The following KPNA7 variants were observed in gnomAD, a reference collection of about 807,000 sequenced individuals.
The protein encoded by KPNA7 is karyopherin subunit alpha 7.
In KPNA7, 54 loss-of-function variants were observed where a neutral mutation model predicts 53.7. That is an observed-to-expected ratio of 1.01 (90% CI 0.81 to 1.26). The LOEUF (loss-of-function observed/expected upper bound fraction) is 1.26. Ranked by LOEUF, KPNA7 falls within the 50% of genes most tolerant of loss-of-function variation. KPNA7 has a pLI of 0.00. For synonymous variants in KPNA7, 276 were observed against 259.3 expected (o/e 1.06, Z -0.62); for missense variants, 640 against 644.5 (o/e 0.99, Z 0.07).
At position 99,180,046 on chromosome 7, in the gene KPNA7, C is replaced by T. The variant is rs372827606; in HGVS notation, c.1317+1837G>A. Among the ~76,000 whole-genome samples the T allele has an allele frequency of 5.2e-4, 79 of 152,278 alleles. 1 individual carries two copies. In the South Asian group the frequency reaches 0.016, roughly 30 times the overall value. ...TGTTGTGGAAGTGACAGAATGTGAC[C>T]TCCAAGGTCACGTCATGAAGGACAC... On this transcript the variant is annotated intron_variant, in intron 9 of 10. Coordinates refer to ENST00000327442, the MANE Select transcript of KPNA7 (RefSeq NM_001145715.3).
chr7:99,146,499 C>T, the KPNA7 span, among the ~76,000 whole-genome samples: 10 of 151,878 alleles, frequency 6.6e-5, no homozygotes, highest in South Asian at 1.2e-3. Context: ...GGATTACCTG[C>T]GAGCAGGAGT....
chr7:99,200,175 T>TTTA (rs1222683564), intron 3 of KPNA7, among the ~76,000 whole-genome samples: 1 of 152,184 alleles, frequency 6.6e-6, no homozygotes, highest in Non-Finnish European at 1.5e-5. Flanking sequence ...TATGCTGGGA[T>TTTA]TATAGGCATG....
At chr7:99,188,174 CAA>C (rs59219718) in intron 7 of KPNA7, 124 bp downstream of exon 7, 7,142 of 385,032 alleles carry the variant, frequency 0.019, 1 homozygote, top group African/African-American at 0.064. Flanking sequence ...GACTCTGTCT[CAA>C]AAAAAAAAAA....
At chr7:99,196,359 T>C (rs1003159916) in intron 3 of KPNA7, among the ~76,000 whole-genome samples, 193 bp from the exon 4 acceptor site, 14 of 152,212 alleles carry the variant, frequency 9.2e-5, no homozygotes, top group Non-Finnish European at 1.9e-4. Flanking sequence ...CTTCCCATGC[T>C]TAGGGGAGAA....
chr7:99,180,742 C>CATCT lies in KPNA7; in HGVS notation c.1317+1140_1317+1141insAGAT, dbSNP rs757432007. ...CTCCGTCTGTGTCTCTCTCTCTCCC[C>CATCT]GTGTCTCTCTCTCTCTCCCCGTCTG... is the stretch of plus-strand genomic sequence containing the variant. On this transcript the variant is annotated intron_variant, in intron 9 of 10. Transcript: ENST00000327442. Among the ~76,000 whole-genome samples the CATCT allele has an allele frequency of 1.3e-4, 4 of 29,642 alleles. 1 individual carries two copies. Among genetic ancestry groups the CATCT allele is most frequent in the African/African-American group, 6.6e-4 (4 of 6,066 alleles). The allele number at this position is 29,642 out of a possible 152,430, so 19.4% of individuals were successfully genotyped here. A position where few individuals can be genotyped will look rare whatever the true frequency, so the allele number is the denominator to read the frequency against.
the KPNA7 span, among the ~76,000 whole-genome samples, chr7:99,160,102 G>C: frequency 1.5e-5 from 2 of 133,060 alleles, no homozygotes; most frequent in African/African-American, 5.8e-5. Context: ...CTGGCTCACT[G>C]CAAGCTCCGC....
intron 1 of KPNA7, among the ~76,000 whole-genome samples, chr7:99,216,119 C>T (rs1791213967): frequency 6.6e-6 from 1 of 152,132 alleles, no homozygotes; most frequent in Admixed American, 6.6e-5. Context: ...CCTCGACTTT[C>T]TGGGCTCAGA....
downstream of KPNA7, among the ~76,000 whole-genome samples, chr7:99,169,690 CAAAT>C (rs947942273): frequency 1.3e-5 from 2 of 151,952 alleles, no homozygotes; most frequent in African/African-American, 2.4e-5. Flanking sequence ...ATAAGTCTCA[CAAAT>C]GAATGGTTGA....
Position 99,173,747 on chromosome 7 carries a change from A to G in KPNA7, c.1512T>C (p.Asp504=). The change falls in exon 11 of 11, where the codon GAT becomes GAC. Residue 504 remains aspartate (D), a synonymous_variant. Coordinates refer to ENST00000327442, the MANE Select transcript of KPNA7 (RefSeq NM_001145715.3). ...AGCATTCATAATCTATAAATTCATA[A>G]TCTTGGTCTATGACTTGGCTCAGTA... is the stretch of plus-strand genomic sequence containing the variant. ...QTLLSQVIDQ[D]YEFIDYECLA... The G allele has an allele frequency of 1.9e-6, 3 of 1,551,772 alleles. No homozygotes were observed. The highest frequency in any genetic ancestry group is 2.6e-6 in the Non-Finnish European group (3 of 1,146,878).
chr7:99,188,117 A>G (rs752950247), intron 7 of KPNA7, among the ~76,000 whole-genome samples, 183 bp downstream of exon 7: 8 of 141,026 alleles, frequency 5.7e-5, no homozygotes, highest in Non-Finnish European at 1.1e-4. Flanking sequence ...AGAGGTTGCA[A>G]TGAGCTGAGA....
chr7:99,209,431 G>T (rs1790983925), upstream of KPNA7, among the ~76,000 whole-genome samples: 1 of 151,910 alleles, frequency 6.6e-6, no homozygotes, highest in Admixed American at 6.6e-5. Context: ...ATTCCAATCT[G>T]TTCTTTGCAC....
intron 7 of KPNA7, 129 bp from the exon 8 acceptor site, chr7:99,185,291 C>T: frequency 1.5e-6 from 1 of 671,030 alleles, no homozygotes; most frequent in Non-Finnish European, 2.6e-6. Context: ...AGCCTGTGAA[C>T]AGGAATTGTA....
chr7:99,193,689 G>T (rs1790079781), intron 5 of KPNA7, among the ~76,000 whole-genome samples: 1 of 151,372 alleles, frequency 6.6e-6, no homozygotes, highest in African/African-American at 2.4e-5. Flanking sequence ...TTTTGGCGGG[G>T]GAGGGGGATA....
chr7:99,168,263 G>A, the KPNA7 span, among the ~76,000 whole-genome samples: 3 of 152,088 alleles, frequency 2.0e-5, no homozygotes, highest in Non-Finnish European at 4.4e-5. Context: ...TGATACTTAG[G>A]TCCTACCCCC....
At chr7:99,166,265 A>C in the KPNA7 span, among the ~76,000 whole-genome samples, 1 of 151,992 alleles carries the variant, frequency 6.6e-6, no homozygotes. Flanking sequence ...CCCTCTTTCA[A>C]CATCTCCTAT....
At chr7:99,201,350 A>G (rs1790523840) in intron 3 of KPNA7, among the ~76,000 whole-genome samples, 1 of 152,122 alleles carries the variant, frequency 6.6e-6, no homozygotes, top group Non-Finnish European at 1.5e-5. Context: ...GATGTGAATT[A>G]TACCTTCATT....
chr7:99,176,223 A>G (rs572709401), intron 10 of KPNA7, among the ~76,000 whole-genome samples: 1 of 148,414 alleles, frequency 6.7e-6, no homozygotes, highest in Non-Finnish European at 1.5e-5. Context: ...ACGTGAACCC[A>G]GGAGGTGGAG....
At chr7:99,197,255 A>T (rs367826278) in intron 3 of KPNA7, among the ~76,000 whole-genome samples, 14 of 152,322 alleles carry the variant, frequency 9.2e-5, no homozygotes, top group African/African-American at 3.4e-4. Context: ...TTGACCACTG[A>T]GCAAACCAAG....
At chr7:99,191,160 ATTTT>A (rs5886098) in intron 6 of KPNA7, among the ~76,000 whole-genome samples, 1,357 of 134,712 alleles carry the variant, frequency 0.01, 15 homozygotes, top group African/African-American at 0.034. Context: ...CTGCTATACA[ATTTT>A]TTTTTTTTTT....
Sources: gnomAD v4.1 joint callset for allele counts (sites outside exome capture counted in the v4.1 genomes callset) on GRCh38, gnomAD v4.1.1 for gene constraint, MANE v1.5 for transcripts, NCBI Gene and HGNC (gene_info 2026-07-23, HGNC 2026-07-21) for gene names.